The following LRFN5 variants were observed in gnomAD, a reference collection of about 807,000 sequenced individuals.
The protein encoded by LRFN5 is leucine rich repeat and fibronectin type III domain containing 5, also known as leucine-rich repeat and fibronectin type-III domain-containing protein 5.
LRFN5 carries 24 observed loss-of-function variants against 45.6 expected under a neutral mutation model. The observed-to-expected ratio is 0.53, with a 90% CI of 0.38 to 0.74. LRFN5 has a LOEUF of 0.74. Among genes scored for constraint, LRFN5 ranks in the 30% least tolerant of loss-of-function variants. The pLI, the probability that LRFN5 is intolerant of heterozygous loss-of-function variation, is 0.00. For missense variants in LRFN5, 776 were observed against 861.5 expected, an observed-to-expected ratio of 0.90 and a Z score of 1.24; for synonymous variants, 340 against 313.8, an observed-to-expected ratio of 1.08 and a Z score of -0.88.
At chr14:41,609,614 A>T (rs1472983275) in intron 1 of LRFN5, among the ~76,000 whole-genome samples, 2 of 152,160 alleles carry the variant, frequency 1.3e-5, no homozygotes, top group African/African-American at 2.4e-5. Context: ...ATTAGAATTA[A>T]CAAGATAAAG....
intron 2 of LRFN5, among the ~76,000 whole-genome samples, chr14:41,849,554 C>T (rs912585223): frequency 6.6e-5 from 10 of 151,906 alleles, no homozygotes; most frequent in Non-Finnish European, 5.9e-5. Flanking sequence ...TTCACACCTC[C>T]TTGCCTTTCT....
At chr14:41,797,137 C>T (rs1039848853) in intron 2 of LRFN5, among the ~76,000 whole-genome samples, 1 of 151,714 alleles carries the variant, frequency 6.6e-6, no homozygotes, top group Non-Finnish European at 1.5e-5. Flanking sequence ...ATGTCTTATG[C>T]AGAGAAAGTT....
chr14:41,881,817 A>G (rs1028733277), intron 2 of LRFN5, among the ~76,000 whole-genome samples: 3 of 152,198 alleles, frequency 2.0e-5, no homozygotes, highest in Non-Finnish European at 4.4e-5. Context: ...GATCATATAC[A>G]TTTAAAAATT....
At chr14:41,692,966 G>A (rs929077204) in intron 1 of LRFN5, among the ~76,000 whole-genome samples, 1 of 151,744 alleles carries the variant, frequency 6.6e-6, no homozygotes, top group South Asian at 2.1e-4. Flanking sequence ...ATATCCATTG[G>A]AACCATCAAT....
Position 41,893,893 on chromosome 14 carries a change from G to A in LRFN5, c.2098+1931G>A, listed in dbSNP as rs138594271. On this transcript the variant is annotated intron_variant, in intron 4 of 5. Transcript: ENST00000298119. ...CTGCCCAGTTATTTATTTCGTGTAAGGAATAGATGAGGTCACATGTGGTCG... is the reference window on the plus strand; with the variant it reads ...CTGCCCAGTTATTTATTTCGTGTAAAGAATAGATGAGGTCACATGTGGTCG... 19 of 985,236 alleles carry A rather than the reference G, an allele frequency of 1.9e-5. No individual in the cohort carries two copies. The Admixed American group carries it at 5.5e-4, about 29-fold the overall frequency. The allele number at this position is 985,236 out of a possible 1,614,324, so 61.0% of individuals were successfully genotyped here. A position where few individuals can be genotyped will look rare whatever the true frequency, so the allele number is the denominator to read the frequency against.
intron 2 of LRFN5, among the ~76,000 whole-genome samples, chr14:41,845,942 C>G (rs1169000363): frequency 6.6e-6 from 1 of 152,148 alleles, no homozygotes; most frequent in Non-Finnish European, 1.5e-5. Flanking sequence ...GTTTGAATCT[C>G]AAGGGCTTAA....
chr14:41,845,536 G>A (rs8020273), intron 2 of LRFN5, among the ~76,000 whole-genome samples: 85,641 of 151,722 alleles, frequency 0.56, 24,313 homozygotes, highest in African/African-American at 0.6. Flanking sequence ...GTTTTTCTCT[G>A]TTCTCTCAGT....
chr14:41,759,828 T>C (rs928311317), intron 1 of LRFN5, among the ~76,000 whole-genome samples: 1 of 152,218 alleles, frequency 6.6e-6, no homozygotes, highest in African/African-American at 2.4e-5. Flanking sequence ...CAATTAAGCA[T>C]GTTTTTCTAG....
intron 1 of LRFN5, among the ~76,000 whole-genome samples, chr14:41,652,608 A>G (rs546549015): frequency 2.5e-4 from 36 of 145,340 alleles, no homozygotes; most frequent in African/African-American, 1.0e-3. Flanking sequence ...AGGACCAGGG[A>G]AAACCTCCTT....
intron 1 of LRFN5, among the ~76,000 whole-genome samples, chr14:41,697,091 A>G (rs1882645356): frequency 1.3e-5 from 2 of 151,928 alleles, no homozygotes; most frequent in Non-Finnish European, 2.9e-5. Context: ...ATAACCTCCT[A>G]AAACTTGTTA....
chr14:41,625,453 A>T (rs1888294877), intron 1 of LRFN5, among the ~76,000 whole-genome samples: 1 of 152,154 alleles, frequency 6.6e-6, no homozygotes, highest in Non-Finnish European at 1.5e-5. Flanking sequence ...AAGCCTCCCC[A>T]GCCATGCAAA....
intron 1 of LRFN5, among the ~76,000 whole-genome samples, chr14:41,676,957 T>C (rs943983765): frequency 1.3e-5 from 2 of 152,058 alleles, no homozygotes; most frequent in South Asian, 4.1e-4. Context: ...GACCAGAAAA[T>C]GAAAACTTTC....
intron 1 of LRFN5, among the ~76,000 whole-genome samples, chr14:41,648,032 AT>A (rs1879902735): frequency 6.6e-6 from 1 of 152,194 alleles, no homozygotes; most frequent in African/African-American, 2.4e-5. Context: ...ACATATCTAC[AT>A]CTATATCTTT....
At chr14:41,893,545 A>G in intron 4 of LRFN5, 1 of 985,154 alleles carries the variant, frequency 1.0e-6, no homozygotes, top group Non-Finnish European at 1.2e-6. Flanking sequence ...GTAAAAGTTT[A>G]TTAACTTTTT....
At chr14:41,668,083 TG>T (rs1880991639) in intron 1 of LRFN5, among the ~76,000 whole-genome samples, 1 of 152,146 alleles carries the variant, frequency 6.6e-6, no homozygotes. Flanking sequence ...GTATCTTGCT[TG>T]TTTGGTCACT....
At chr14:41,897,999 A>G (rs1890993823) in intron 4 of LRFN5, among the ~76,000 whole-genome samples, 1 of 152,070 alleles carries the variant, frequency 6.6e-6, no homozygotes, top group Non-Finnish European at 1.5e-5. Context: ...TATTGGCTCT[A>G]CCATAATACA....
intron 2 of LRFN5, among the ~76,000 whole-genome samples, chr14:41,846,647 T>C (rs962070624): frequency 1.3e-5 from 2 of 152,208 alleles, no homozygotes; most frequent in Non-Finnish European, 2.9e-5. Flanking sequence ...TTTTCTGCAC[T>C]TTCCTATATG....
chr14:41,835,070 GT>G (rs1888616088), intron 2 of LRFN5, among the ~76,000 whole-genome samples: 1 of 150,924 alleles, frequency 6.6e-6, no homozygotes, highest in Non-Finnish European at 1.5e-5. Context: ...TGAAAGCAAA[GT>G]TTTTTCATCA....
intron 1 of LRFN5, among the ~76,000 whole-genome samples, chr14:41,656,709 T>C (rs1880397905): frequency 6.6e-6 from 1 of 151,866 alleles, no homozygotes; most frequent in South Asian, 2.1e-4. Context: ...CAGTGTCCCA[T>C]AATTACTGGA....
Sources: allele counts gnomAD v4.1 joint callset (sites outside exome capture counted in the v4.1 genomes callset), GRCh38; gene constraint gnomAD v4.1.1; transcripts MANE v1.5; gene names NCBI Gene and HGNC (gene_info 2026-07-23, HGNC 2026-07-21).